TRNT1: variants seen among roughly 807,000 people sequenced by gnomAD.
TRNT1 encodes the protein tRNA nucleotidyl transferase 1.
TRNT1 carries 44 observed loss-of-function variants against 45.6 expected under a neutral mutation model. That is an observed-to-expected ratio of 0.97 (90% CI 0.76 to 1.24). TRNT1 has a LOEUF of 1.24. TRNT1 is among the 50% of genes most tolerant of loss of function. TRNT1 has a pLI of 0.00. For missense variants in TRNT1, 633 were observed against 504.4 expected, an observed-to-expected ratio of 1.25 and a Z score of -2.44; for synonymous variants, 201 against 171.4, an observed-to-expected ratio of 1.17 and a Z score of -1.35.
chr3:3,144,947 C>A (rs139068175), intron 5 of TRNT1: 5 of 246,686 alleles, frequency 2.0e-5, no homozygotes, highest in Non-Finnish European at 3.0e-5. Context: ...AATTTTAAGT[C>A]ATCTTTTTAA....
intron 4 of TRNT1, 142 bp downstream of exon 4, chr3:3,140,790 A>G: frequency 1.7e-6 from 2 of 1,149,670 alleles, no homozygotes; most frequent in Non-Finnish European, 2.4e-6. Context: ...TGCTTCAAAG[A>G]ATAGTCCCTC....
At chr3:3,146,334 C>T (rs1706018153) in intron 5 of TRNT1, 96 bp from the exon 6 acceptor site, 2 of 865,160 alleles carry the variant, frequency 2.3e-6, no homozygotes, top group Non-Finnish European at 1.7e-6. Context: ...TTTCATTAAG[C>T]AGATGTATGG....
chr3:3,137,928 T>C (rs1705428942), intron 3 of TRNT1, among the ~76,000 whole-genome samples: 1 of 152,238 alleles, frequency 6.6e-6, no homozygotes, highest in South Asian at 2.1e-4. Context: ...TGTTTTTAAA[T>C]TTTCCTGCAG....
chr3:3,130,421 A>G (rs1411146363), intron 2 of TRNT1: 5 of 161,432 alleles, frequency 3.1e-5, no homozygotes, highest in African/African-American at 1.2e-4. Context: ...TTGAAATTGG[A>G]TGATGGCTTT....
intron 4 of TRNT1, among the ~76,000 whole-genome samples, chr3:3,141,902 T>C (rs907478582): frequency 6.6e-6 from 1 of 152,238 alleles, no homozygotes; most frequent in Non-Finnish European, 1.5e-5. Context: ...GTACCTGATA[T>C]ACTTTATTTC....
At chr3:3,152,362 T>G, downstream of TRNT1, 2 of 1,331,628 alleles carry the variant, frequency 1.5e-6, no homozygotes, top group African/African-American at 1.5e-5. Context: ...CTTTTTATTA[T>G]AAAGATTGTG....
chr3:3,153,409 T>C (rs1413110404), downstream of TRNT1: 1 of 1,394,272 alleles, frequency 7.2e-7, no homozygotes, highest in Non-Finnish European at 1.0e-6. Flanking sequence ...ATTAAAAACG[T>C]AATAAAGACC....
chr3:3,152,054 G>A (rs904736640), downstream of TRNT1, among the ~76,000 whole-genome samples: 9 of 152,098 alleles, frequency 5.9e-5, no homozygotes, highest in African/African-American at 2.2e-4. Context: ...GACAACTGCA[G>A]TTGTCAACCT....
intron 2 of TRNT1, 108 bp from the exon 3 acceptor site, chr3:3,137,152 A>G: frequency 1.2e-6 from 1 of 835,744 alleles, no homozygotes; most frequent in Middle Eastern, 3.9e-4. Flanking sequence ...CAGTTAAATG[A>G]ATCTCTGCTG....
chr3:3,135,510 T>C (rs1705272659), intron 2 of TRNT1, among the ~76,000 whole-genome samples: 1 of 152,204 alleles, frequency 6.6e-6, no homozygotes, highest in Non-Finnish European at 1.5e-5. Context: ...AATGTGGCAT[T>C]AGGGGAATAT....
chr3:3,143,543 T>C (rs1426402300), intron 4 of TRNT1, among the ~76,000 whole-genome samples: 1 of 152,132 alleles, frequency 6.6e-6, no homozygotes, highest in Non-Finnish European at 1.5e-5. Flanking sequence ...TGTTATCAAG[T>C]GTTTGCATCG....
intron 2 of TRNT1, among the ~76,000 whole-genome samples, chr3:3,132,697 T>TAAAAAA (rs774865877): frequency 8.0e-5 from 3 of 37,556 alleles, no homozygotes; most frequent in Admixed American, 5.1e-4. Flanking sequence ...AAAAAAAAAT[T>TAAAAAA]AAAAAAATAA....
chr3:3,132,705 TAAAA>T (rs1370164275), intron 2 of TRNT1, among the ~76,000 whole-genome samples: 20 of 39,678 alleles, frequency 5.0e-4, no homozygotes, highest in African/African-American at 1.4e-3. Flanking sequence ...ATTAAAAAAA[TAAAA>T]AAAAACATAT....
chr3:3,141,186 TGTGAG>T (rs1328684968), intron 4 of TRNT1, among the ~76,000 whole-genome samples: 1 of 152,216 alleles, frequency 6.6e-6, no homozygotes, highest in Non-Finnish European at 1.5e-5. Context: ...GTACCGCTGT[TGTGAG>T]GTTTAAGAGA....
At chr3:3,139,063 G>A (rs1286281420) in intron 3 of TRNT1, among the ~76,000 whole-genome samples, 2 of 152,202 alleles carry the variant, frequency 1.3e-5, no homozygotes, top group Admixed American at 1.3e-4. Flanking sequence ...TAGGGAAAGG[G>A]ATGAGGGTCA....
downstream of TRNT1, chr3:3,151,154 G>C (rs1706514714): frequency 8.6e-7 from 1 of 1,163,624 alleles, no homozygotes; most frequent in Non-Finnish European, 1.2e-6. Context: ...AAGGATTAGA[G>C]ATTCTAAGTT....
chr3:3,142,782 G>C (rs1036677428), intron 4 of TRNT1, among the ~76,000 whole-genome samples: 5 of 152,142 alleles, frequency 3.3e-5, no homozygotes, highest in Non-Finnish European at 7.4e-5. Context: ...TTCATTAGGA[G>C]AAATAACACC....
downstream of TRNT1, chr3:3,151,130 T>C (rs1347077192): frequency 3.3e-5 from 46 of 1,381,880 alleles, no homozygotes; most frequent in African/African-American, 4.3e-5. Flanking sequence ...AGACAGACTT[T>C]AGAGGCAAAT....
chr3:3,147,381 C>T, intron 6 of TRNT1, 69 bp from the exon 7 acceptor site: 1 of 1,552,584 alleles, frequency 6.4e-7, no homozygotes, highest in Non-Finnish European at 8.7e-7. Context: ...AAAATGGTGG[C>T]AAGGTTTAGG....
Sources: allele counts gnomAD v4.1 joint callset (sites outside exome capture counted in the v4.1 genomes callset), GRCh38; gene constraint gnomAD v4.1.1; transcripts MANE v1.5; gene names NCBI Gene and HGNC (gene_info 2026-07-23, HGNC 2026-07-21).